The following SRBD1 variants were observed in gnomAD, a reference collection of about 807,000 sequenced individuals.
The protein encoded by SRBD1 is S1 RNA-binding domain-containing protein 1.
Under a neutral mutation model 115.3 loss-of-function variants are expected in SRBD1, and 88 were observed. The ratio of observed to expected loss-of-function variants is 0.76; its 90% confidence interval spans 0.64 to 0.91. SRBD1 has a LOEUF of 0.91. Among genes scored for constraint, SRBD1 ranks in the 40% least tolerant of loss-of-function variants. SRBD1 has a pLI of 0.00. For synonymous variants in SRBD1, 509 were observed against 407.7 expected, an observed-to-expected ratio of 1.25 and a Z score of -2.99; for missense variants, 1,385 against 1,177.4, an observed-to-expected ratio of 1.18 and a Z score of -2.58.
At chr2:45,578,784 G>A (rs898756978) in intron 7 of SRBD1, among the ~76,000 whole-genome samples, 7 of 152,118 alleles carry the variant, frequency 4.6e-5, no homozygotes, top group African/African-American at 1.7e-4. Flanking sequence ...CATACAACAC[G>A]GGGGCTACAG....
chr2:45,478,962 G>C (rs987572939), intron 15 of SRBD1, among the ~76,000 whole-genome samples: 9 of 152,132 alleles, frequency 5.9e-5, no homozygotes, highest in Non-Finnish European at 8.8e-5. Flanking sequence ...CACACTTCTG[G>C]TCACTGTGTT....
chr2:45,588,579 T>C (rs1005188080), intron 4 of SRBD1, among the ~76,000 whole-genome samples: 1 of 152,086 alleles, frequency 6.6e-6, no homozygotes, highest in African/African-American at 2.4e-5. Context: ...CTCTCTCCAT[T>C]ATATAGCAGC....
intron 7 of SRBD1, among the ~76,000 whole-genome samples, chr2:45,575,894 G>C (rs1673160305): frequency 6.6e-6 from 1 of 152,100 alleles, no homozygotes; most frequent in African/African-American, 2.4e-5. Context: ...AGTAGTGACG[G>C]GCTTTCACTG....
intron 14 of SRBD1, among the ~76,000 whole-genome samples, chr2:45,503,646 C>T (rs1670706775): frequency 6.6e-6 from 1 of 152,132 alleles, no homozygotes; most frequent in Non-Finnish European, 1.5e-5. Context: ...AAGACGGCAG[C>T]TAAAGTTCAA....
intron 7 of SRBD1, among the ~76,000 whole-genome samples, chr2:45,574,953 G>A (rs1344818770): frequency 6.6e-6 from 1 of 152,116 alleles, no homozygotes; most frequent in African/African-American, 2.4e-5. Flanking sequence ...TGGTAAAAAT[G>A]CATCTCTGGA....
chr2:45,511,036 C>T (rs1670951473), intron 14 of SRBD1, among the ~76,000 whole-genome samples: 1 of 152,148 alleles, frequency 6.6e-6, no homozygotes, highest in South Asian at 2.1e-4. Flanking sequence ...GTATTGCGAA[C>T]CAACAAACCA....
At chr2:45,531,386 C>T (rs1558458652) in intron 14 of SRBD1, among the ~76,000 whole-genome samples, 1 of 151,698 alleles carries the variant, frequency 6.6e-6, no homozygotes, top group Non-Finnish European at 1.5e-5. Flanking sequence ...ATACTATTTA[C>T]AAAAAAGTTT....
At chr2:45,537,386 T>C (rs1671794052) in intron 14 of SRBD1, among the ~76,000 whole-genome samples, 1 of 152,244 alleles carries the variant, frequency 6.6e-6, no homozygotes, top group African/African-American at 2.4e-5. Flanking sequence ...TCTTATCTTT[T>C]TGTCTGTCTT....
At chr2:45,556,114 G>GTCA (rs1672467613) in intron 10 of SRBD1, among the ~76,000 whole-genome samples, 1 of 152,068 alleles carries the variant, frequency 6.6e-6, no homozygotes, top group Non-Finnish European at 1.5e-5. Context: ...CATAGAAAGT[G>GTCA]TCATACAGTT....
At chr2:45,546,373 A>C (rs1672119401) in intron 14 of SRBD1, 1 of 983,570 alleles carries the variant, frequency 1.0e-6, no homozygotes, top group Non-Finnish European at 1.2e-6. Flanking sequence ...TTGGGAGAAA[A>C]AGGCTAAGTT....
chr2:45,600,189 A>T (rs976088520), intron 3 of SRBD1, among the ~76,000 whole-genome samples: 26 of 152,212 alleles, frequency 1.7e-4, no homozygotes, highest in South Asian at 2.1e-4. Context: ...CCAAGTACAT[A>T]CATATACATA....
chr2:45,391,215 C>G (rs1325025303), intron 20 of SRBD1, among the ~76,000 whole-genome samples: 2 of 152,190 alleles, frequency 1.3e-5, no homozygotes, highest in African/African-American at 4.8e-5. Context: ...ACTGAGAAAT[C>G]AGAAAATCCT....
At chr2:45,442,996 A>G (rs1346448296) in intron 16 of SRBD1, among the ~76,000 whole-genome samples, 1 of 152,202 alleles carries the variant, frequency 6.6e-6, no homozygotes, top group Non-Finnish European at 1.5e-5. Flanking sequence ...AAGGAGGGCA[A>G]TCTGGCTGAG....
intron 7 of SRBD1, among the ~76,000 whole-genome samples, chr2:45,578,282 C>T (rs1337781298): frequency 6.6e-6 from 1 of 152,140 alleles, no homozygotes; most frequent in Non-Finnish European, 1.5e-5. Context: ...CTGTGGTTAA[C>T]CTTAATGCTT....
At chr2:45,520,181 CAG>C (rs1558450483) in intron 14 of SRBD1, among the ~76,000 whole-genome samples, 1 of 152,178 alleles carries the variant, frequency 6.6e-6, no homozygotes, top group Non-Finnish European at 1.5e-5. Context: ...TCAGCATGAG[CAG>C]CACAAAAACA....
intron 19 of SRBD1, among the ~76,000 whole-genome samples, chr2:45,395,322 A>G (rs1456904053): frequency 6.6e-6 from 1 of 152,180 alleles, no homozygotes; most frequent in Non-Finnish European, 1.5e-5. Flanking sequence ...AAACTTCCCA[A>G]AGCACTGTAT....
intron 14 of SRBD1, among the ~76,000 whole-genome samples, chr2:45,537,099 G>C (rs941482180): frequency 6.6e-6 from 1 of 152,002 alleles, no homozygotes; most frequent in Non-Finnish European, 1.5e-5. Flanking sequence ...TTCACCAATG[G>C]GTTACAAGTT....
At chr2:45,606,496 C>G (rs964718465) in intron 1 of SRBD1, among the ~76,000 whole-genome samples, 4 of 152,116 alleles carry the variant, frequency 2.6e-5, no homozygotes. Flanking sequence ...GTAGAGGTCT[C>G]TCTACAAAGT....
chr2:45,522,405 T>TG (rs1671314132), intron 14 of SRBD1, among the ~76,000 whole-genome samples: 1 of 152,168 alleles, frequency 6.6e-6, no homozygotes, highest in African/African-American at 2.4e-5. Context: ...CTAGAGCTCC[T>TG]GGGCTCAAGC....
Sources: gnomAD v4.1 joint callset for allele counts (sites outside exome capture counted in the v4.1 genomes callset) on GRCh38, gnomAD v4.1.1 for gene constraint, MANE v1.5 for transcripts, NCBI Gene and HGNC (gene_info 2026-07-23, HGNC 2026-07-21) for gene names.